CRISP2: variants seen among roughly 807,000 people sequenced by gnomAD.
CRISP2 encodes cysteine rich secretory protein 2.
CRISP2 carries 29 observed loss-of-function variants against 31.7 expected under a neutral mutation model. The observed-to-expected ratio is 0.92, with a 90% confidence interval of 0.68 to 1.25. CRISP2 has a LOEUF of 1.25. Ranked by LOEUF, CRISP2 falls within the 50% of genes most tolerant of loss-of-function variation. CRISP2 has a pLI of 0.00. For synonymous variants in CRISP2, 111 were observed against 101.4 expected, an observed-to-expected ratio of 1.09 and a Z score of -0.57; for missense variants, 318 against 286.5, an observed-to-expected ratio of 1.11 and a Z score of -0.79.
chr6:49,702,038 A>T (rs1484827761), intron 4 of CRISP2, among the ~76,000 whole-genome samples: 13 of 111,970 alleles, frequency 1.2e-4, no homozygotes, highest in Non-Finnish European at 1.7e-4. Context: ...ATGTATACAT[A>T]TATAAGTTTA....
chr6:49,706,213 C>A (rs1244297227), intron 4 of CRISP2, among the ~76,000 whole-genome samples: 1 of 152,126 alleles, frequency 6.6e-6, no homozygotes, highest in Non-Finnish European at 1.5e-5. Flanking sequence ...GCCCATGATT[C>A]ATCTTAAATT....
chr6:49,684,142 T>C, the CRISP2 span, among the ~76,000 whole-genome samples: 1 of 152,058 alleles, frequency 6.6e-6, no homozygotes, highest in Non-Finnish European at 1.5e-5. Context: ...CAAAAATGAA[T>C]ATAATCGTCC....
At chr6:49,689,505 A>T (rs1763984167), downstream of CRISP2, among the ~76,000 whole-genome samples, 1 of 152,154 alleles carries the variant, frequency 6.6e-6, no homozygotes, top group African/African-American at 2.4e-5. Flanking sequence ...GCAGTATTTT[A>T]AATAACTTAC....
intron 4 of CRISP2, among the ~76,000 whole-genome samples, chr6:49,704,491 G>A (rs2127422075): frequency 6.6e-6 from 1 of 152,240 alleles, no homozygotes; most frequent in South Asian, 2.1e-4. Context: ...TATGTCCAAG[G>A]AAGGATCTGG....
the CRISP2 span, among the ~76,000 whole-genome samples, chr6:49,678,699 CTT>C: frequency 1.3e-5 from 2 of 152,108 alleles, no homozygotes; most frequent in Non-Finnish European, 2.9e-5. Context: ...TAGAACTAGT[CTT>C]TGCCCACACG....
At chr6:49,688,056 A>G (rs553861002), downstream of CRISP2, among the ~76,000 whole-genome samples, 1 of 152,322 alleles carries the variant, frequency 6.6e-6, no homozygotes, top group East Asian at 1.9e-4. Context: ...TGTCTCAATC[A>G]CTGGGCCATA....
intron 6 of CRISP2, among the ~76,000 whole-genome samples, chr6:49,699,282 T>C (rs1187980176): frequency 6.6e-6 from 1 of 152,000 alleles, no homozygotes; most frequent in Non-Finnish European, 1.5e-5. Flanking sequence ...AAATTTTGAA[T>C]ACGATAAATT....
chr6:49,684,037 C>G, the CRISP2 span, among the ~76,000 whole-genome samples: 111,556 of 151,714 alleles, frequency 0.74, 41,764 homozygotes, highest in East Asian at 0.97. Flanking sequence ...TTTGATGTTC[C>G]TTGGCTGATT....
At position 49,698,502 on chromosome 6, in the gene CRISP2, T is replaced by C. The variant is rs142509364; in HGVS notation, c.277A>G (p.Arg93Gly). Residue 93 changes from arginine (R) to glycine (G), a missense_variant, in exon 7 of 10, where the codon AGA (arginine) becomes GGA (glycine). Physicochemically the swap from Arg to Gly is moderately radical, Grantham distance 125. Transcript: ENST00000339139. ...SDPEDRKTST[R>G]CGENLYMSSD... ...GACATATAGAGATTCTCACCACATC[T>C]TGTACCTAAGGGGCAGATCATTCAT... 2.9e-4 allele frequency: 466 copies of C among 1,606,992 alleles called. 2 individuals carry two copies. In the African/African-American group the frequency reaches 5.2e-3, roughly 18 times the overall value.
At chr6:49,702,107 A>G (rs1343982417) in intron 4 of CRISP2, among the ~76,000 whole-genome samples, 1 of 55,666 alleles carries the variant, frequency 1.8e-5, no homozygotes, top group Non-Finnish European at 3.1e-5. Flanking sequence ...ATATATGTAT[A>G]CTTATATATG....
chr6:49,700,594 G>C (rs1765495742), intron 5 of CRISP2, 74 bp downstream of exon 5: 15 of 848,638 alleles, frequency 1.8e-5, no homozygotes, highest in Non-Finnish European at 3.0e-5. Flanking sequence ...AAGTTCTTAA[G>C]AGATGCCAGT....
At position 49,698,495 on chromosome 6, in the gene CRISP2, C is replaced by T. The variant is rs771478751; in HGVS notation, c.284G>A (p.Gly95Asp). The change falls in exon 7 of 10, where the codon GGT becomes GAT. Residue 95 changes from glycine to aspartate, a missense_variant. Transcript: ENST00000339139. ...PEDRKTSTRC[G>D]ENLYMSSDPT... ...GTCACTTGACATATAGAGATTCTCA[C>T]CACATCTTGTACCTAAGGGGCAGAT... The T allele has an allele frequency of 6.2e-7, 1 of 1,609,106 alleles. No homozygotes were observed. The highest frequency in any genetic ancestry group is 8.5e-7 in the Non-Finnish European group (1 of 1,178,452).
At chr6:49,697,606 C>T (rs897215243) in intron 8 of CRISP2, 4 of 856,778 alleles carry the variant, frequency 4.7e-6, no homozygotes, top group African/African-American at 3.4e-5. Context: ...TAACCCTAAG[C>T]TGAGGGAAGG....
chr6:49,698,765 A>G (rs915419792), intron 6 of CRISP2, among the ~76,000 whole-genome samples: 7 of 152,158 alleles, frequency 4.6e-5, no homozygotes, highest in Non-Finnish European at 1.0e-4. Context: ...ATGCCCTTGC[A>G]TGCTAAATTT....
At chr6:49,676,808 G>T in the CRISP2 span, among the ~76,000 whole-genome samples, 3 of 152,104 alleles carry the variant, frequency 2.0e-5, no homozygotes, top group East Asian at 5.8e-4. Flanking sequence ...TCAGGGTAAG[G>T]GGGATGTAAT....
the CRISP2 span, among the ~76,000 whole-genome samples, chr6:49,678,627 G>A: frequency 7.9e-5 from 12 of 151,996 alleles, no homozygotes; most frequent in African/African-American, 2.7e-4. Context: ...TGATAGCATC[G>A]GGATTTAAAT....
intron 5 of CRISP2, 29 bp downstream of exon 5, chr6:49,700,639 A>G: frequency 7.2e-7 from 1 of 1,385,118 alleles, no homozygotes; most frequent in Non-Finnish European, 1.0e-6. Context: ...GCTGATTCAC[A>G]CCCATCTCCT....
At chr6:49,683,694 A>AAAAATATATAT in the CRISP2 span, among the ~76,000 whole-genome samples, 1 of 6,180 alleles carries the variant, frequency 1.6e-4, no homozygotes, top group African/African-American at 3.3e-4. Flanking sequence ...AAAAAAAAAA[A>AAAAATATATAT]ATATATATAT....
chr6:49,698,283 A>G (rs1166798057), intron 7 of CRISP2, 79 bp downstream of exon 7: 14 of 1,488,648 alleles, frequency 9.4e-6, no homozygotes, highest in Non-Finnish European at 1.3e-5. Context: ...TAAATTGAAC[A>G]TTACAGTGGT....
Sources: allele counts gnomAD v4.1 joint callset (sites outside exome capture counted in the v4.1 genomes callset), GRCh38; gene constraint gnomAD v4.1.1; transcripts MANE v1.5; gene names NCBI Gene and HGNC (gene_info 2026-07-23, HGNC 2026-07-21).